The following ADAMTS16 variants were observed in gnomAD, a reference collection of about 807,000 sequenced individuals.
The protein encoded by ADAMTS16 is ADAM metallopeptidase with thrombospondin type 1 motif 16, also known as A disintegrin and metalloproteinase with thrombospondin motifs 16.
A neutral mutation model predicts 145.8 loss-of-function variants in ADAMTS16; 94 were observed. The ratio of observed to expected loss-of-function variants is 0.64; its 90% CI spans 0.55 to 0.77. The LOEUF is 0.77. ADAMTS16 is among the 30% of genes least tolerant of loss of function. ADAMTS16 has a pLI of 0.00. For missense variants in ADAMTS16, 1,585 were observed against 1,591.5 expected (o/e 1.00, Z 0.07); for synonymous variants, 659 against 604.3 (o/e 1.09, Z -1.33).
chr5:5,227,917 G>A (rs374223097), intron 11 of ADAMTS16, among the ~76,000 whole-genome samples: 1 of 152,164 alleles, frequency 6.6e-6, no homozygotes, highest in East Asian at 1.9e-4. Flanking sequence ...GTAAAAATGC[G>A]ATGAGGGACA....
In ADAMTS16 at chr5:5,303,737, C is replaced by G; in HGVS notation, c.3157C>G (p.Leu1053Val). 1.2e-6 allele frequency: 2 copies of G among 1,613,328 alleles called. No homozygotes were observed. Among genetic ancestry groups the G allele is most frequent in the Non-Finnish European group, 1.7e-6 (2 of 1,180,018 alleles). Reference sequence around the variant, plus strand: ...TCAGCGCTGCCACAAGCCCAAGAAGCTGCAGTGGCTGGTGTCCGCCTGGTC... The same window carrying G: ...TCAGCGCTGCCACAAGCCCAAGAAGGTGCAGTGGCTGGTGTCCGCCTGGTC... ...LLQRCHKPKKLQWLVSAWSQC... is the reference protein window; with the variant it reads ...LLQRCHKPKKVQWLVSAWSQC... The change falls in exon 20 of 23, where the codon CTG becomes GTG. Residue 1053 changes from leucine (L) to valine (V), a missense_variant. Physicochemically the swap from Leu to Val is conservative, Grantham distance 32. Coordinates refer to ENST00000274181, the MANE Select transcript of ADAMTS16 (RefSeq NM_139056.4).
intron 21 of ADAMTS16, among the ~76,000 whole-genome samples, chr5:5,312,378 G>C (rs1740490919): frequency 6.6e-6 from 1 of 152,046 alleles, no homozygotes; most frequent in South Asian, 2.1e-4. Flanking sequence ...AAAAGTATCA[G>C]TAGCTACAAA....
chr5:5,156,424 C>G (rs1734604693), intron 3 of ADAMTS16, among the ~76,000 whole-genome samples: 1 of 152,110 alleles, frequency 6.6e-6, no homozygotes. Context: ...ATCATCTGCA[C>G]AAACACCAAT....
At chr5:5,260,318 C>A (rs1244028468) in intron 17 of ADAMTS16, among the ~76,000 whole-genome samples, 1 of 152,186 alleles carries the variant, frequency 6.6e-6, no homozygotes, top group Non-Finnish European at 1.5e-5. Context: ...GAGTTTAAAT[C>A]TTGTTCTTTC....
At chr5:5,183,563 A>G (rs955941298) in intron 4 of ADAMTS16, among the ~76,000 whole-genome samples, 1 of 152,198 alleles carries the variant, frequency 6.6e-6, no homozygotes, top group African/African-American at 2.4e-5. Context: ...GACAGACCAC[A>G]CACCAAGCTC....
chr5:5,229,286 C>G (rs909589532), intron 11 of ADAMTS16, among the ~76,000 whole-genome samples: 1 of 111,576 alleles, frequency 9.0e-6, no homozygotes, highest in Non-Finnish European at 1.7e-5. Context: ...GCCTGGGCGA[C>G]AGAGCGAGAC....
intron 4 of ADAMTS16, among the ~76,000 whole-genome samples, chr5:5,185,623 G>A (rs1171568992): frequency 3.9e-5 from 6 of 152,296 alleles, no homozygotes; most frequent in Non-Finnish European, 5.9e-5. Flanking sequence ...TTGTCAAGTC[G>A]TTAAAAGTCT....
chr5:5,282,857 A>C (rs988514323), intron 18 of ADAMTS16, among the ~76,000 whole-genome samples: 1 of 152,220 alleles, frequency 6.6e-6, no homozygotes, highest in South Asian at 2.1e-4. Flanking sequence ...TGTTTTTTTC[A>C]AGAACAGTTT....
chr5:5,305,129 C>CCA (rs1436662804), intron 20 of ADAMTS16, among the ~76,000 whole-genome samples: 1 of 48,136 alleles, frequency 2.1e-5, no homozygotes, highest in African/African-American at 7.7e-5. Context: ...ACACCCCACA[C>CCA]CACACACACA....
At chr5:5,225,893 T>C (rs1481020507) in intron 11 of ADAMTS16, among the ~76,000 whole-genome samples, 1 of 152,208 alleles carries the variant, frequency 6.6e-6, no homozygotes, top group East Asian at 1.9e-4. Context: ...AATTAATTCA[T>C]TAATTCACAT....
At chr5:5,186,309 T>G (rs892159213) in intron 5 of ADAMTS16, 58 bp downstream of exon 5, 5 of 1,233,840 alleles carry the variant, frequency 4.1e-6, no homozygotes, top group Middle Eastern at 2.0e-4. Context: ...AGGGTGTGTG[T>G]GTGTGTGTGT....
intron 4 of ADAMTS16, among the ~76,000 whole-genome samples, chr5:5,183,478 G>A (rs769253370): frequency 5.3e-5 from 8 of 152,220 alleles, no homozygotes; most frequent in Non-Finnish European, 8.8e-5. Context: ...GACAAATTCC[G>A]TATGCCAGGG....
chr5:5,247,609 C>T (rs1410907426), intron 17 of ADAMTS16, among the ~76,000 whole-genome samples: 1 of 152,240 alleles, frequency 6.6e-6, no homozygotes, highest in Non-Finnish European at 1.5e-5. Flanking sequence ...GCCGGGGTCC[C>T]TCCCACGTTC....
At chr5:5,212,114 C>A (rs1736285208) in intron 10 of ADAMTS16, among the ~76,000 whole-genome samples, 1 of 151,866 alleles carries the variant, frequency 6.6e-6, no homozygotes, top group Admixed American at 6.6e-5. Context: ...ACCAGTTTTA[C>A]AAAGATGAGT....
intron 18 of ADAMTS16, among the ~76,000 whole-genome samples, chr5:5,297,586 C>T (rs990970723): frequency 3.3e-5 from 5 of 152,134 alleles, no homozygotes; most frequent in African/African-American, 1.2e-4. Context: ...CCTGTCTTTC[C>T]CCCATCAGTG....
intron 3 of ADAMTS16, among the ~76,000 whole-genome samples, chr5:5,146,693 G>A (rs1200634033): frequency 1.3e-5 from 2 of 152,172 alleles, no homozygotes; most frequent in Non-Finnish European, 2.9e-5. Context: ...TATTGTGGAC[G>A]AGCACTTCAG....
chr5:5,318,469 G>A (rs1415756408), intron 22 of ADAMTS16, among the ~76,000 whole-genome samples, 188 bp downstream of exon 22: 1 of 152,078 alleles, frequency 6.6e-6, no homozygotes, highest in Non-Finnish European at 1.5e-5. Flanking sequence ...TGATGCCCCA[G>A]GACAACATAG....
chr5:5,280,451 G>A (rs1016824591), intron 18 of ADAMTS16, among the ~76,000 whole-genome samples: 5 of 152,178 alleles, frequency 3.3e-5, no homozygotes, highest in African/African-American at 1.2e-4. Flanking sequence ...CTACTTAGTT[G>A]GAGGTGTGTT....
Position 5,262,761 on chromosome 5 carries a change from A to G in ADAMTS16, c.2767A>G (p.Lys923Glu), listed in dbSNP as rs2126432596. Residue 923 changes from lysine to glutamate, a missense_variant, in exon 18 of 23, where the codon AAA becomes GAA. Transcript: ENST00000274181. The part of the protein sequence containing the change: ...TRPVTGLVPC[K>E]VSACPPSWSV... ...ACCTGTCACGGGGCTGGTGCCTTGC[A>G]AAGTATCTGCCTGTCCTCCCAGGTA... The G allele has an allele frequency of 6.2e-7, 1 of 1,614,168 alleles. No individual in the cohort carries two copies. Among genetic ancestry groups the G allele is most frequent in the African/African-American group, 1.3e-5 (1 of 75,048 alleles).
Sources: gnomAD v4.1 joint callset for allele counts (sites outside exome capture counted in the v4.1 genomes callset) on GRCh38, gnomAD v4.1.1 for gene constraint, MANE v1.5 for transcripts, NCBI Gene and HGNC (gene_info 2026-07-23, HGNC 2026-07-21) for gene names.